Variants in GPHN observed in about 807,000 individuals in gnomAD.
The protein encoded by GPHN is gephyrin.
In GPHN, 17 loss-of-function variants were observed where a neutral mutation model predicts 95.5. That is an observed-to-expected ratio of 0.18 (90% confidence interval 0.12 to 0.27). The LOEUF is 0.27. Ranked by LOEUF, GPHN falls within the 10% of genes least tolerant of loss-of-function variation. The probability of loss-of-function intolerance (pLI) is 1.00; values close to 1 mark genes in which losing one functional copy is unlikely to be tolerated. For missense variants in GPHN, 660 were observed against 978.1 expected, an observed-to-expected ratio of 0.67 and a Z score of 4.34; for synonymous variants, 320 against 322.5, an observed-to-expected ratio of 0.99 and a Z score of 0.08.
the GPHN span, among the ~76,000 whole-genome samples, chr14:67,695,198 T>C: frequency 6.1e-4 from 93 of 152,302 alleles, 1 homozygote; most frequent in Middle Eastern, 3.4e-3. Flanking sequence ...GATGTTACGA[T>C]TGCTATCAGT....
chr14:67,063,056 C>G (rs2075889592), intron 11 of GPHN, among the ~76,000 whole-genome samples: 1 of 152,120 alleles, frequency 6.6e-6, no homozygotes, highest in Admixed American at 6.5e-5. Context: ...GGTTTTAGGT[C>G]TAACATTTAA....
intron 18 of GPHN, among the ~76,000 whole-genome samples, chr14:67,156,409 G>T (rs1208571669): frequency 6.6e-6 from 1 of 152,074 alleles, no homozygotes; most frequent in African/African-American, 2.4e-5. Flanking sequence ...GAGTTGATAT[G>T]TTTTAAGGTT....
chr14:67,239,210 G>T, the GPHN span, among the ~76,000 whole-genome samples: 36 of 152,272 alleles, frequency 2.4e-4, no homozygotes, highest in Non-Finnish European at 1.8e-4. Context: ...CTGGGGCCAA[G>T]AGATTGGAAG....
chr14:66,620,500 C>T (rs1294191862), intron 1 of GPHN, among the ~76,000 whole-genome samples: 1 of 152,068 alleles, frequency 6.6e-6, no homozygotes, highest in Non-Finnish European at 1.5e-5. Flanking sequence ...AACCATCAGA[C>T]CTCATGAGAA....
chr14:66,596,787 T>G (rs1021126100), intron 1 of GPHN, among the ~76,000 whole-genome samples: 1 of 152,152 alleles, frequency 6.6e-6, no homozygotes, highest in Non-Finnish European at 1.5e-5. Flanking sequence ...CGGCTACAAC[T>G]GCGCCCGGGG....
At chr14:67,583,714 T>C in the GPHN span, 12 of 1,589,634 alleles carry the variant, frequency 7.5e-6, no homozygotes, top group South Asian at 1.1e-5. Context: ...AGATTTTGAC[T>C]GGTCTCTTCA....
the GPHN span, among the ~76,000 whole-genome samples, chr14:67,432,360 C>A: frequency 6.6e-6 from 1 of 152,234 alleles, no homozygotes. Context: ...CCTTCCTTGG[C>A]GAACGAGCCC....
At chr14:67,137,263 A>C (rs535896865) in intron 17 of GPHN, among the ~76,000 whole-genome samples, 1 of 151,420 alleles carries the variant, frequency 6.6e-6, no homozygotes, top group African/African-American at 2.4e-5. Flanking sequence ...CTCCTGCCTC[A>C]GCCTCCCGAG....
chr14:66,555,194 A>G lies in GPHN; in HGVS notation c.64+46603A>G, dbSNP rs571455683. 1.6e-4 allele frequency among the ~76,000 whole-genome samples: 25 copies of G among 152,334 alleles called. No homozygotes were observed. The South Asian group carries it at 4.1e-3, about 25-fold the overall frequency. ...GAAATCTGTAGCAGATTCTGAACAT[A>G]TGGTAGGTTACATAGATGGTATATT... On this transcript the variant is annotated intron_variant, in intron 1 of 22. Coordinates refer to ENST00000478722, the MANE Select transcript of GPHN (RefSeq NM_020806.5).
the GPHN span, among the ~76,000 whole-genome samples, chr14:67,245,054 G>T: frequency 6.6e-6 from 1 of 152,262 alleles, no homozygotes; most frequent in South Asian, 2.1e-4. Flanking sequence ...GAATATGAGT[G>T]GTGTCTAGAA....
At chr14:66,993,020 T>C (rs1263165547) in intron 9 of GPHN, among the ~76,000 whole-genome samples, 1 of 152,166 alleles carries the variant, frequency 6.6e-6, no homozygotes, top group East Asian at 1.9e-4. Context: ...AACTGGTTAG[T>C]GTGTCAAAAT....
At chr14:66,840,097 G>A (rs2062015352) in intron 4 of GPHN, among the ~76,000 whole-genome samples, 1 of 151,922 alleles carries the variant, frequency 6.6e-6, no homozygotes, top group East Asian at 1.9e-4. Context: ...TGGCCAACAC[G>A]GTGAAACCCC....
chr14:66,989,276 A>G (rs1394106664), intron 9 of GPHN, among the ~76,000 whole-genome samples: 1 of 152,036 alleles, frequency 6.6e-6, no homozygotes, highest in Admixed American at 6.6e-5. Flanking sequence ...TTTATGATTA[A>G]ATCAGTCTGG....
chr14:67,595,631 G>A, the GPHN span, among the ~76,000 whole-genome samples: 1 of 152,188 alleles, frequency 6.6e-6, no homozygotes, highest in East Asian at 1.9e-4. Flanking sequence ...GGGGCTTCTG[G>A]AAAACTTGAG....
At chr14:67,108,534 C>T (rs949071621) in intron 13 of GPHN, among the ~76,000 whole-genome samples, 2 of 152,050 alleles carry the variant, frequency 1.3e-5, no homozygotes, top group Admixed American at 6.5e-5. Flanking sequence ...ATATAATGCA[C>T]TTAACATTGT....
chr14:66,666,863 A>T (rs1291020208), intron 1 of GPHN, among the ~76,000 whole-genome samples: 1 of 152,218 alleles, frequency 6.6e-6, no homozygotes, highest in Non-Finnish European at 1.5e-5. Context: ...TTTCCAGATG[A>T]CATGATTCTG....
chr14:67,318,978 A>C, the GPHN span, among the ~76,000 whole-genome samples: 1 of 152,110 alleles, frequency 6.6e-6, no homozygotes, highest in African/African-American at 2.4e-5. Context: ...GAATGGCGTG[A>C]ACCCGGGAGG....
At chr14:67,505,310 T>A in the GPHN span, among the ~76,000 whole-genome samples, 3 of 152,088 alleles carry the variant, frequency 2.0e-5, no homozygotes, top group Admixed American at 1.3e-4. Context: ...GGCCCTCCTG[T>A]CAAGCTGGTG....
At chr14:66,984,455 T>C (rs960867162) in intron 9 of GPHN, among the ~76,000 whole-genome samples, 3 of 152,194 alleles carry the variant, frequency 2.0e-5, no homozygotes, top group Admixed American at 6.5e-5. Flanking sequence ...GCTGAAAAAT[T>C]AGTAAAACTT....
Sources: allele counts gnomAD v4.1 joint callset (sites outside exome capture counted in the v4.1 genomes callset), GRCh38; gene constraint gnomAD v4.1.1; transcripts MANE v1.5; gene names NCBI Gene and HGNC (gene_info 2026-07-23, HGNC 2026-07-21).